Variants in RGS7 observed in about 807,000 individuals in gnomAD.
RGS7 encodes the protein regulator of G protein signaling 7, also known as regulator of G-protein signaling 7.
RGS7 carries 27 observed loss-of-function variants against 81.1 expected under a neutral mutation model. That is an observed-to-expected ratio of 0.33 (90% confidence interval 0.25 to 0.46). The LOEUF (loss-of-function observed/expected upper bound fraction) is 0.46. RGS7 is among the 20% of genes least tolerant of loss of function. The probability of loss-of-function intolerance (pLI) is 1.00; values close to 1 mark genes in which losing one functional copy is unlikely to be tolerated. For missense variants in RGS7, 396 were observed against 607.4 expected (o/e 0.65, Z 3.66); for synonymous variants, 208 against 207.7 (o/e 1.00, Z -0.01).
At chr1:240,963,938 G>A (rs757805851) in intron 4 of RGS7, among the ~76,000 whole-genome samples, 11 of 152,204 alleles carry the variant, frequency 7.2e-5, no homozygotes, top group Non-Finnish European at 1.0e-4. Flanking sequence ...CTTGAAGCCA[G>A]GAGTTTGGGG....
intron 2 of RGS7, among the ~76,000 whole-genome samples, chr1:241,139,188 CTT>C (rs2067738648): frequency 7.1e-6 from 1 of 140,822 alleles, no homozygotes; most frequent in African/African-American, 2.7e-5. Context: ...TCCCTCCCTT[CTT>C]CTCTCTTTCC....
chr1:241,351,226 C>G (rs745401834), intron 2 of RGS7, among the ~76,000 whole-genome samples: 4 of 151,778 alleles, frequency 2.6e-5, no homozygotes, highest in Non-Finnish European at 5.9e-5. Context: ...CAAGACCACC[C>G]TGGGCAACAT....
At chr1:241,030,864 T>C (rs1014721069) in intron 3 of RGS7, among the ~76,000 whole-genome samples, 1 of 152,200 alleles carries the variant, frequency 6.6e-6, no homozygotes, top group Non-Finnish European at 1.5e-5. Context: ...GATCAGGCGA[T>C]GGTAGGCTCA....
At chr1:241,120,238 A>G (rs2066156443) in intron 2 of RGS7, among the ~76,000 whole-genome samples, 1 of 152,218 alleles carries the variant, frequency 6.6e-6, no homozygotes, top group Non-Finnish European at 1.5e-5. Flanking sequence ...CTTACCTTCC[A>G]AGATTCTGCT....
chr1:240,913,096 G>C (rs1399957381), intron 6 of RGS7, among the ~76,000 whole-genome samples: 2 of 152,184 alleles, frequency 1.3e-5, no homozygotes. Flanking sequence ...GCTATTTTTA[G>C]TACAACAGAG....
intron 18 of RGS7, among the ~76,000 whole-genome samples, chr1:240,793,164 C>T (rs1244175056): frequency 6.6e-6 from 1 of 152,088 alleles, no homozygotes; most frequent in Admixed American, 6.6e-5. Context: ...CCTTAGGAAC[C>T]CCCAGGGCTG....
chr1:240,910,694 T>G (rs879380459), intron 6 of RGS7, among the ~76,000 whole-genome samples: 37 of 152,160 alleles, frequency 2.4e-4, no homozygotes, highest in Admixed American at 3.3e-4. Context: ...CTATGTACCC[T>G]ATAAATACAT....
intron 2 of RGS7, among the ~76,000 whole-genome samples, chr1:241,261,976 TTTTG>T (rs139601264): frequency 8.7e-6 from 1 of 115,072 alleles, no homozygotes; most frequent in Non-Finnish European, 2.2e-5. Context: ...AAAACAGATT[TTTTG>T]TTTGTTCATT....
At chr1:241,137,087 GTT>G (rs762683634) in intron 2 of RGS7, among the ~76,000 whole-genome samples, 33 of 152,286 alleles carry the variant, frequency 2.2e-4, no homozygotes, top group Admixed American at 6.5e-5. Context: ...TGAGGGCTCT[GTT>G]TAGGCATCAT....
chr1:241,232,902 T>C (rs2075744631), intron 2 of RGS7, among the ~76,000 whole-genome samples: 1 of 152,198 alleles, frequency 6.6e-6, no homozygotes, highest in Non-Finnish European at 1.5e-5. Context: ...TACTTTTTGA[T>C]GCTATTTTTA....
chr1:241,236,942 C>T (rs2148110372), intron 2 of RGS7, among the ~76,000 whole-genome samples: 1 of 152,280 alleles, frequency 6.6e-6, no homozygotes, highest in South Asian at 2.1e-4. Flanking sequence ...AACAGCATTG[C>T]TTTGCCCATT....
At chr1:240,898,913 A>T (rs1669527670) in intron 6 of RGS7, among the ~76,000 whole-genome samples, 1 of 152,080 alleles carries the variant, frequency 6.6e-6, no homozygotes, top group South Asian at 2.1e-4. Context: ...ACTGTGTGGG[A>T]GTCTAAGTCT....
intron 2 of RGS7, among the ~76,000 whole-genome samples, chr1:241,255,551 A>G (rs1389078407): frequency 6.6e-6 from 1 of 152,218 alleles, no homozygotes; most frequent in East Asian, 1.9e-4. Context: ...CAATTGCTAC[A>G]TTTAAACCAA....
intron 2 of RGS7, among the ~76,000 whole-genome samples, chr1:241,274,569 T>C (rs576326717): frequency 1.3e-5 from 2 of 152,352 alleles, no homozygotes; most frequent in South Asian, 2.1e-4. Context: ...TATGCAGATA[T>C]AATTATGACA....
At chr1:241,075,274 T>G (rs2062723299) in intron 3 of RGS7, among the ~76,000 whole-genome samples, 1 of 152,196 alleles carries the variant, frequency 6.6e-6, no homozygotes, top group African/African-American at 2.4e-5. Flanking sequence ...AGTTCTATTT[T>G]TAACTCACTT....
chr1:240,895,687 T>C (rs537791489), intron 6 of RGS7, among the ~76,000 whole-genome samples: 1 of 152,308 alleles, frequency 6.6e-6, no homozygotes, highest in South Asian at 2.1e-4. Context: ...CAGTCTATCA[T>C]TGATGGACAT....
intron 2 of RGS7, among the ~76,000 whole-genome samples, chr1:241,209,696 G>A (rs1028997064): frequency 2.0e-5 from 3 of 151,922 alleles, no homozygotes; most frequent in Admixed American, 2.0e-4. Flanking sequence ...AATTAGCTGG[G>A]CAGCCTGGCA....
chr1:241,312,910 G>T (rs1245770830), intron 2 of RGS7, among the ~76,000 whole-genome samples: 4 of 152,182 alleles, frequency 2.6e-5, no homozygotes, highest in Admixed American at 6.5e-5. Context: ...TGCTACTCCA[G>T]TGAACACACG....
intron 18 of RGS7, among the ~76,000 whole-genome samples, chr1:240,798,533 G>A (rs1485328706): frequency 6.6e-6 from 1 of 152,110 alleles, no homozygotes; most frequent in Non-Finnish European, 1.5e-5. Context: ...AGAGCAGGGT[G>A]GATCCGTGGA....
Sources: gnomAD v4.1 joint callset for allele counts (sites outside exome capture counted in the v4.1 genomes callset) on GRCh38, gnomAD v4.1.1 for gene constraint, MANE v1.5 for transcripts, NCBI Gene and HGNC (gene_info 2026-07-23, HGNC 2026-07-21) for gene names.